Variants in RGPD1 observed in about 807,000 individuals in gnomAD.
RGPD1 encodes RANBP2-like and GRIP domain-containing protein 1.
RGPD1 carries 7 observed loss-of-function variants against 40.6 expected under a neutral mutation model. The observed-to-expected ratio is 0.17, with a 90% CI of 0.10 to 0.32. The LOEUF (loss-of-function observed/expected upper bound fraction) is 0.32. Ranked by LOEUF, RGPD1 falls within the 10% of genes least tolerant of loss-of-function variation. The pLI is 1.00. For missense variants in RGPD1, 50 were observed against 472.5 expected (o/e 0.11, Z 8.29); for synonymous variants, 24 against 167.0 (o/e 0.14, Z 6.60).
At chr2:86,933,757 ATTT>A in intron 1 of RGPD1, among the ~76,000 whole-genome samples, 1 of 79,960 alleles carries the variant, frequency 1.3e-5, no homozygotes, top group African/African-American at 5.2e-5. Context: ...CTAAGAGTAA[ATTT>A]TTTTTTTTTT....
At chr2:86,931,395 T>G (rs1479821644) in intron 1 of RGPD1, among the ~76,000 whole-genome samples, 2 of 150,692 alleles carry the variant, frequency 1.3e-5, no homozygotes, top group African/African-American at 4.9e-5. Context: ...GGTTTATGTT[T>G]TAGTTTTACA....
Position 86,964,190 on chromosome 2 carries a change from C to T in RGPD1, c.975+966C>T. Among the ~76,000 whole-genome samples, 2 of 106,996 alleles carry T rather than the reference C, an allele frequency of 1.9e-5. 1 individual carries two copies. Among genetic ancestry groups the T allele is most frequent in the Non-Finnish European group, 3.7e-5 (2 of 53,812 alleles). 70.2% of individuals were successfully genotyped at this position (106,996 alleles called of 152,430 possible). On this transcript the variant is annotated intron_variant, in intron 7 of 22. Coordinates refer to ENST00000641458, the MANE Select transcript of RGPD1 (RefSeq NM_001382344.1). The stretch of plus-strand genomic sequence containing the variant: ...CCCGAGTAGCTGGAACTACAAGCGC[C>T]CACCACCATGCCTGGCTAATTTTTT...
rs1680181154 is a variant in RGPD1 at position 86,944,445 on chromosome 2, C to A, written c.72+2137C>A. Among the ~76,000 whole-genome samples, 5 of 151,874 alleles carry A rather than the reference C, an allele frequency of 3.3e-5. No homozygotes were observed. In the South Asian group the frequency reaches 1.0e-3, roughly 32 times the overall value. On this transcript the variant is annotated intron_variant, in intron 1 of 22. Transcript: ENST00000641458. ...TTTTAGGTGGGGTCTCACTCTGTCA[C>A]CCAGCTGGATGCAGTGGCGCTATCT...
chr2:86,960,401 A>G (rs1680892256), intron 6 of RGPD1, among the ~76,000 whole-genome samples: 1 of 65,242 alleles, frequency 1.5e-5, no homozygotes, highest in Admixed American at 1.3e-4. Flanking sequence ...ATTTTTTTGT[A>G]TTTTTAGTAG....
intron 1 of RGPD1, among the ~76,000 whole-genome samples, chr2:86,929,344 G>T (rs1311135185): frequency 1.3e-5 from 2 of 151,666 alleles, no homozygotes; most frequent in Non-Finnish European, 2.9e-5. Flanking sequence ...GGAGAACTCT[G>T]TTCTCTTGTG....
rs1573659387 is a variant in RGPD1 at position 87,013,248 on chromosome 2, C to T, written c.*701C>T. 1 of 141,732 alleles carries T rather than the reference C, an allele frequency of 7.1e-6. No homozygotes were observed. Among genetic ancestry groups the T allele is most frequent in the Non-Finnish European group, 1.2e-5 (1 of 80,878 alleles). 8.8% of individuals were successfully genotyped at this position (141,732 alleles called of 1,614,324 possible). A position where few individuals can be genotyped will look rare whatever the true frequency, so the allele number is the denominator to read the frequency against. ...CTGTTTCTGCTTTCTAAAAGATCAT[C>T]TTTTGCACCTGCAAAAAGGCTGCAG... On this transcript the variant is annotated 3_prime_UTR_variant, in exon 23 of 23. Transcript: ENST00000641458.
At chr2:86,928,858 T>TA (rs1678697683) in intron 1 of RGPD1, among the ~76,000 whole-genome samples, 3 of 151,694 alleles carry the variant, frequency 2.0e-5, no homozygotes, top group African/African-American at 7.3e-5. Flanking sequence ...TGTCAAGAGG[T>TA]ATGGAGAAGA....
intron 1 of RGPD1, chr2:86,930,691 G>C (rs1678880850): frequency 6.2e-7 from 1 of 1,606,222 alleles, no homozygotes; most frequent in Non-Finnish European, 8.5e-7. Flanking sequence ...CGAAGCTGCT[G>C]TTGCGGCGCC....
At chr2:86,939,399 T>C (rs1224623269), upstream of RGPD1, among the ~76,000 whole-genome samples, 1 of 149,936 alleles carries the variant, frequency 6.7e-6, no homozygotes, top group Non-Finnish European at 1.5e-5. Flanking sequence ...TCCAACATGG[T>C]GAAACCCCGT....
intron 4 of RGPD1, among the ~76,000 whole-genome samples, chr2:86,957,363 A>G (rs1421566028): frequency 6.6e-6 from 1 of 150,650 alleles, no homozygotes; most frequent in Non-Finnish European, 1.5e-5. Flanking sequence ...GATACAGAGC[A>G]GTTTGAGCAT....
chr2:86,913,671 G>C (rs1385898037), upstream of RGPD1: 1 of 1,293,574 alleles, frequency 7.7e-7, no homozygotes, highest in African/African-American at 1.6e-5. Context: ...GCCCGGCCGA[G>C]TGCAGCTGGA....
intron 1 of RGPD1, among the ~76,000 whole-genome samples, chr2:86,924,810 T>C (rs1427857746): frequency 6.6e-6 from 1 of 151,790 alleles, no homozygotes; most frequent in African/African-American, 2.4e-5. Context: ...TTCACATCTG[T>C]AATTTTAATT....
At chr2:86,949,274 T>G (rs1245514431) in intron 1 of RGPD1, among the ~76,000 whole-genome samples, 1 of 152,312 alleles carries the variant, frequency 6.6e-6, no homozygotes, top group Non-Finnish European at 1.5e-5. Flanking sequence ...GTTGGAGTAT[T>G]GCAGTGCTTG....
At chr2:86,939,170 G>C (rs538888713), upstream of RGPD1, among the ~76,000 whole-genome samples, 2 of 95,292 alleles carry the variant, frequency 2.1e-5, no homozygotes, top group African/African-American at 8.8e-5. Context: ...TTATACCACT[G>C]AACAAAAAAA....
At chr2:86,929,938 A>G (rs1486502053) in intron 1 of RGPD1, among the ~76,000 whole-genome samples, 1 of 140,512 alleles carries the variant, frequency 7.1e-6, no homozygotes, top group Non-Finnish European at 1.6e-5. Context: ...TACTTATGGG[A>G]TGTCCCCTTC....
intron 1 of RGPD1, among the ~76,000 whole-genome samples, chr2:86,926,412 GA>G (rs1166379234): frequency 4.1e-5 from 6 of 148,032 alleles, no homozygotes; most frequent in Non-Finnish European, 7.6e-5. Context: ...TGGGGAAAAA[GA>G]TAATTTTTCA....
chr2:86,944,328 T>G (rs1380989790), intron 1 of RGPD1, among the ~76,000 whole-genome samples: 1 of 152,066 alleles, frequency 6.6e-6, no homozygotes, highest in Non-Finnish European at 1.5e-5. Flanking sequence ...AGTATAAATA[T>G]GAATGTGATG....
chr2:86,914,280 G>A (rs1677630230), intron 1 of RGPD1, among the ~76,000 whole-genome samples: 1 of 65,640 alleles, frequency 1.5e-5, no homozygotes, highest in Admixed American at 1.3e-4. Context: ...CTTGGCCTCG[G>A]CCGGGCGGCG....
At chr2:86,913,718 G>C (rs1677553039), upstream of RGPD1, 1 of 1,346,310 alleles carries the variant, frequency 7.4e-7, no homozygotes, top group African/African-American at 1.5e-5. Flanking sequence ...TGCTGACGCA[G>C]TACACAAGTG....
Sources: gnomAD v4.1 joint callset for allele counts (sites outside exome capture counted in the v4.1 genomes callset) on GRCh38, gnomAD v4.1.1 for gene constraint, MANE v1.5 for transcripts, NCBI Gene and HGNC (gene_info 2026-07-23, HGNC 2026-07-21) for gene names.